NTM: variants seen among roughly 807,000 people sequenced by gnomAD.
NTM encodes IgLON family member 2.
NTM carries 13 observed loss-of-function variants against 42.1 expected under a neutral mutation model. The observed-to-expected ratio is 0.31, with a 90% CI of 0.20 to 0.49. The LOEUF (loss-of-function observed/expected upper bound fraction) is 0.49, where lower values mean the gene tolerates loss of function less well. Among genes scored for constraint, NTM ranks in the 20% least tolerant of loss-of-function variants. NTM has a pLI of 0.99. For missense variants in NTM, 373 were observed against 452.8 expected, an observed-to-expected ratio of 0.82 and a Z score of 1.60; for synonymous variants, 187 against 179.2, an observed-to-expected ratio of 1.04 and a Z score of -0.35.
intron 2 of NTM, among the ~76,000 whole-genome samples, chr11:131,987,369 C>G (rs2066225732): frequency 6.7e-6 from 1 of 149,512 alleles, no homozygotes. Context: ...GTTATTCTGT[C>G]CTATTCCTCC....
intron 1 of NTM, among the ~76,000 whole-genome samples, chr11:131,426,594 G>A (rs1302289405): frequency 1.3e-5 from 2 of 152,146 alleles, no homozygotes; most frequent in Non-Finnish European, 1.5e-5. Context: ...CTGAGTTATC[G>A]ATTGCTGCAT....
intron 1 of NTM, among the ~76,000 whole-genome samples, chr11:131,639,086 T>G (rs1483058294): frequency 6.6e-6 from 1 of 152,296 alleles, no homozygotes; most frequent in East Asian, 1.9e-4. Context: ...AGCTGTTGAG[T>G]GTCAAAGCTG....
At chr11:132,314,384 T>A (rs2095367634) in intron 6 of NTM, 168 bp from the exon 7 acceptor site, 2 of 291,036 alleles carry the variant, frequency 6.9e-6, no homozygotes, top group South Asian at 2.6e-4. Context: ...TCACTCACTG[T>A]CTGTGAACTA....
chr11:131,847,954 T>C (rs550162434), intron 1 of NTM, among the ~76,000 whole-genome samples: 76 of 152,304 alleles, frequency 5.0e-4, no homozygotes, highest in African/African-American at 1.7e-3. Context: ...TATGTCTCAT[T>C]GAGACCATCC....
At chr11:132,018,370 A>G (rs2073782044) in intron 2 of NTM, among the ~76,000 whole-genome samples, 1 of 152,004 alleles carries the variant, frequency 6.6e-6, no homozygotes, top group Non-Finnish European at 1.5e-5. Flanking sequence ...GGATTTTTCT[A>G]AGGTACCTTT....
chr11:132,108,338 A>T (rs2062682205), intron 2 of NTM, among the ~76,000 whole-genome samples: 1 of 152,244 alleles, frequency 6.6e-6, no homozygotes, highest in Non-Finnish European at 1.5e-5. Flanking sequence ...CTCCAAAAGA[A>T]AGGCAAAAAC....
At chr11:132,161,800 C>T (rs1457418362) in intron 3 of NTM, among the ~76,000 whole-genome samples, 1 of 152,186 alleles carries the variant, frequency 6.6e-6, no homozygotes, top group Non-Finnish European at 1.5e-5. Flanking sequence ...TGCTTCTCCA[C>T]GGAAGGTCCC....
chr11:131,663,034 A>G (rs2068360113), intron 1 of NTM: 1 of 152,148 alleles, frequency 6.6e-6, no homozygotes, highest in South Asian at 2.1e-4. Context: ...AATAAACAAC[A>G]CATTCCCCAG....
chr11:132,275,318 T>C (rs1026278510), intron 4 of NTM, among the ~76,000 whole-genome samples: 1 of 152,060 alleles, frequency 6.6e-6, no homozygotes, highest in African/African-American at 2.4e-5. Flanking sequence ...TGAATTATAT[T>C]GGTGACTTTT....
In NTM at chr11:132,336,379, G is replaced by T. The variant is rs188216084; in HGVS notation, c.*1233G>T. On this transcript the variant is annotated 3_prime_UTR_variant, in exon 9 of 9. Coordinates refer to ENST00000683400, the MANE Select transcript of NTM (RefSeq NM_001352005.2). ...TACATGTCAGAGACATTTATAAAAA[G>T]TGAAAGGATAAAAAAAAAAAAAAAC... is the stretch of plus-strand genomic sequence containing the variant. 6.6e-6 allele frequency: 1 copy of T among 150,560 alleles called. No individual in the cohort carries two copies. The highest frequency in any genetic ancestry group is 2.0e-4 in the East Asian group (1 of 5,114). The allele number at this position is 150,560 out of a possible 1,614,324, so 9.3% of individuals were successfully genotyped here.
At chr11:131,835,611 T>C (rs2043386736) in intron 1 of NTM, among the ~76,000 whole-genome samples, 1 of 152,126 alleles carries the variant, frequency 6.6e-6, no homozygotes, top group Non-Finnish European at 1.5e-5. Flanking sequence ...AAGATGTGAA[T>C]TAACTAGATC....
intron 2 of NTM, among the ~76,000 whole-genome samples, chr11:132,086,688 T>G (rs2059757997): frequency 1.3e-5 from 2 of 152,156 alleles, no homozygotes; most frequent in Admixed American, 1.3e-4. Context: ...AATCAAAACT[T>G]TACAGTAAAT....
At chr11:132,174,842 T>A (rs144704462) in intron 3 of NTM, among the ~76,000 whole-genome samples, 173 of 152,284 alleles carry the variant, frequency 1.1e-3, no homozygotes, top group Non-Finnish European at 1.6e-3. Context: ...TCTGTTTGTG[T>A]TCAGATTATT....
At chr11:132,159,331 T>C (rs2073854448) in intron 3 of NTM, among the ~76,000 whole-genome samples, 1 of 152,188 alleles carries the variant, frequency 6.6e-6, no homozygotes, top group Non-Finnish European at 1.5e-5. Context: ...GCGTTTATTC[T>C]CCATGTGTGG....
chr11:132,087,982 C>T lies in NTM; in HGVS notation c.168-58300C>T, dbSNP rs368454240. Among the ~76,000 whole-genome samples, 692 of 152,312 alleles carry T rather than the reference C, an allele frequency of 4.5e-3. 2 individuals carry two copies. Among genetic ancestry groups the T allele is most frequent in the African/African-American group, 0.014 (584 of 41,578 alleles). On this transcript the variant is annotated intron_variant, in intron 2 of 8. Coordinates refer to ENST00000683400, the MANE Select transcript of NTM (RefSeq NM_001352005.2). Reference sequence around the variant, plus strand: ...CCCGGCATTGGCTGTGGCTCATTCCCATCCTGCATGGCCATTGGATGCCAC... The same window carrying T: ...CCCGGCATTGGCTGTGGCTCATTCCTATCCTGCATGGCCATTGGATGCCAC...
chr11:131,637,222 G>C (rs374020391), intron 1 of NTM, among the ~76,000 whole-genome samples: 8 of 152,056 alleles, frequency 5.3e-5, no homozygotes, highest in Middle Eastern at 3.4e-3. Flanking sequence ...ATCCTCGGCT[G>C]GCTATGGTGA....
intron 1 of NTM, among the ~76,000 whole-genome samples, chr11:131,413,513 G>T (rs539809382): frequency 6.6e-6 from 1 of 152,296 alleles, no homozygotes; most frequent in South Asian, 2.1e-4. Context: ...GAGCCGTTTT[G>T]TCAGGAGCTT....
chr11:131,743,741 A>G (rs2081463135), intron 1 of NTM, among the ~76,000 whole-genome samples: 2 of 152,216 alleles, frequency 1.3e-5, no homozygotes, highest in African/African-American at 4.8e-5. Context: ...TGAAACAGTG[A>G]AAGCAGCCAT....
At chr11:131,627,635 C>T (rs950031740) in intron 1 of NTM, among the ~76,000 whole-genome samples, 7 of 151,902 alleles carry the variant, frequency 4.6e-5, no homozygotes, top group African/African-American at 1.7e-4. Context: ...AGTTTGAGAC[C>T]AGCTAGGCAA....
Sources: gnomAD v4.1 joint callset for allele counts (sites outside exome capture counted in the v4.1 genomes callset) on GRCh38, gnomAD v4.1.1 for gene constraint, MANE v1.5 for transcripts, NCBI Gene and HGNC (gene_info 2026-07-23, HGNC 2026-07-21) for gene names.